The following DKK3 variants were observed in gnomAD, a reference collection of about 807,000 sequenced individuals.
The protein encoded by DKK3 is dickkopf Wnt signaling pathway inhibitor 3, also known as dickkopf-related protein 3.
Under a neutral mutation model 33.2 loss-of-function variants are expected in DKK3, and 22 were observed. That is an observed-to-expected ratio of 0.66 (90% CI 0.47 to 0.95). DKK3 has a LOEUF of 0.95. DKK3 is among the 40% of genes least tolerant of loss of function. The pLI is 0.00. For synonymous variants in DKK3, 194 were observed against 188.8 expected, an observed-to-expected ratio of 1.03 and a Z score of -0.23; for missense variants, 398 against 458.4, an observed-to-expected ratio of 0.87 and a Z score of 1.20.
chr11:11,982,017 G>A (rs368852712), intron 3 of DKK3, among the ~76,000 whole-genome samples: 101 of 152,262 alleles, frequency 6.6e-4, no homozygotes, highest in Middle Eastern at 3.4e-3. Context: ...GTCCTGGTTG[G>A]TCTCTGAGGA....
chr11:12,006,957 T>C (rs1167379023), intron 1 of DKK3, among the ~76,000 whole-genome samples: 5 of 152,154 alleles, frequency 3.3e-5, no homozygotes, highest in Non-Finnish European at 5.9e-5. Flanking sequence ...GCTTCAGAGT[T>C]AAGAGACATT....
At chr11:11,984,578 G>C (rs939461089) in intron 3 of DKK3, among the ~76,000 whole-genome samples, 1 of 149,654 alleles carries the variant, frequency 6.7e-6, no homozygotes, top group Non-Finnish European at 1.5e-5. Flanking sequence ...TGCCCAAGCT[G>C]AACAACCACT....
At chr11:11,995,763 G>C (rs1848279919) in intron 3 of DKK3, among the ~76,000 whole-genome samples, 1 of 152,222 alleles carries the variant, frequency 6.6e-6, no homozygotes, top group African/African-American at 2.4e-5. Flanking sequence ...GACCTGTGAA[G>C]TGGGGCAGGC....
chr11:11,992,884 T>A (rs1848215303), intron 3 of DKK3, among the ~76,000 whole-genome samples: 1 of 152,356 alleles, frequency 6.6e-6, no homozygotes, highest in Non-Finnish European at 1.5e-5. Context: ...GATCTTTATA[T>A]TTCTTTGATC....
At position 11,966,199 on chromosome 11, in the gene DKK3, A is replaced by C. The variant is rs116250349; in HGVS notation, c.674-234T>G. On this transcript the variant is annotated intron_variant, in intron 5 of 6. Transcript: ENST00000683431. ...CCTGGAAGAGGTGGGCTTCTGCTGG[A>C]TTTTGAGGGCCAGAAAGTCTGGAGA... 5.8e-3 allele frequency among the ~76,000 whole-genome samples: 885 copies of C among 152,260 alleles called. 9 individuals carry two copies. Among genetic ancestry groups the C allele is most frequent in the African/African-American group, 0.02 (842 of 41,538 alleles).
At chr11:11,966,484 C>G (rs1367107307) in intron 5 of DKK3, among the ~76,000 whole-genome samples, 1 of 152,100 alleles carries the variant, frequency 6.6e-6, no homozygotes, top group African/African-American at 2.4e-5. Flanking sequence ...AGGAAGATCA[C>G]GGAGGCGGCA....
chr11:11,965,505 G>A, intron 6 of DKK3, among the ~76,000 whole-genome samples: 1 of 152,286 alleles, frequency 6.6e-6, no homozygotes, highest in Non-Finnish European at 1.5e-5. Flanking sequence ...CATTGTGACA[G>A]GTCTGGGGAG....
At chr11:11,971,984 G>A (rs1243743531) in intron 3 of DKK3, among the ~76,000 whole-genome samples, 1 of 151,872 alleles carries the variant, frequency 6.6e-6, no homozygotes, top group African/African-American at 2.4e-5. Context: ...TGTTATAATC[G>A]AGCCCACCAG....
At chr11:11,995,552 G>C (rs1417339150) in intron 3 of DKK3, among the ~76,000 whole-genome samples, 1 of 152,214 alleles carries the variant, frequency 6.6e-6, no homozygotes, top group African/African-American at 2.4e-5. Context: ...TTGTAGCTGC[G>C]AGTTGGATTT....
intron 3 of DKK3, among the ~76,000 whole-genome samples, chr11:11,989,486 C>G (rs989058396): frequency 2.0e-5 from 3 of 152,118 alleles, no homozygotes; most frequent in African/African-American, 7.2e-5. Context: ...ATTCACCAGT[C>G]ACAAAAATAC....
Position 11,998,768 on chromosome 11 carries a change from G to T in DKK3, c.363C>A (p.Asn121Lys). 6.2e-7 allele frequency: 1 copy of T among 1,614,040 alleles called. No homozygotes were observed. Among genetic ancestry groups the T allele is most frequent in the South Asian group, 1.1e-5 (1 of 91,074 alleles). Residue 121 changes from asparagine (N) to lysine (K), a missense_variant, in exon 3 of 7, where the codon AAC (asparagine) becomes AAA (lysine). Asn to Lys is a moderately conservative substitution (Grantham distance 94). Transcript: ENST00000683431. Reference sequence around the variant, plus strand: ...CTGAAAAGACCATTTGTCCAGTCTGGTTGTTGGTTATCTACAGTAAAACAG... The same window carrying T: ...CTGAAAAGACCATTTGTCCAGTCTGTTTGTTGGTTATCTACAGTAAAACAG... ...VHREIHKITN[N>K]QTGQMVFSET...
upstream of DKK3, chr11:12,008,654 C>A (rs1848595107): frequency 2.5e-5 from 32 of 1,267,238 alleles, no homozygotes; most frequent in Non-Finnish European, 3.2e-5. This position sits in a 1 kb window ranked among gnomAD's most constrained non-coding sequence, Gnocchi z 4.6. Flanking sequence ...CCACCCCCCT[C>A]GCTGGGCCCG....
intron 3 of DKK3, among the ~76,000 whole-genome samples, chr11:11,979,499 G>A (rs1401136660): frequency 6.6e-6 from 1 of 152,216 alleles, no homozygotes; most frequent in Non-Finnish European, 1.5e-5. Context: ...GAGTGCCAGA[G>A]AGAAAGGAAG....
chr11:12,000,332 G>A (rs1183195184), intron 2 of DKK3, among the ~76,000 whole-genome samples: 1 of 151,886 alleles, frequency 6.6e-6, no homozygotes, highest in African/African-American at 2.4e-5. Flanking sequence ...CAGCCTCCCT[G>A]AGTAGCTGGG....
Position 12,008,267 on chromosome 11 carries a change from G to A in DKK3, c.213+103C>T, listed in dbSNP as rs1848579261. ...GCTGTCGGCCCTTCCCAGGCCCTGC[G>A]CGGGACCCGAGGTCCCTGGCCAGCG... On this transcript the variant is annotated intron_variant, in intron 1 of 6. Transcript: ENST00000683431. The surrounding 1 kb of genome is among the most constrained non-coding windows in gnomAD (Gnocchi z 4.6). 1 of 1,411,178 alleles carries A rather than the reference G, an allele frequency of 7.1e-7. No individual in the cohort carries two copies. Among genetic ancestry groups the A allele is most frequent in the African/African-American group, 1.4e-5 (1 of 69,732 alleles). The allele number at this position is 1,411,178 out of a possible 1,614,324, so 87.4% of individuals were successfully genotyped here.
chr11:11,974,341 A>T (rs1847788215), intron 3 of DKK3, among the ~76,000 whole-genome samples: 1 of 152,230 alleles, frequency 6.6e-6, no homozygotes. Context: ...TCACCATCTT[A>T]GTCCATTTTT....
intron 6 of DKK3, 83 bp from the exon 7 acceptor site, chr11:11,964,769 C>T (rs933759425): frequency 1.3e-6 from 2 of 1,539,644 alleles, no homozygotes; most frequent in African/African-American, 1.4e-5. Flanking sequence ...CTCTGTGGGG[C>T]TCCCAGCCTC....
At chr11:11,991,671 C>T (rs1481486090) in intron 3 of DKK3, among the ~76,000 whole-genome samples, 1 of 152,206 alleles carries the variant, frequency 6.6e-6, no homozygotes. Flanking sequence ...CATCTTCTGC[C>T]ATGAGTGAGG....
intron 3 of DKK3, among the ~76,000 whole-genome samples, chr11:11,970,336 T>G (rs898617102): frequency 6.6e-6 from 1 of 152,122 alleles, no homozygotes; most frequent in Admixed American, 6.5e-5. Context: ...AACGGACAAC[T>G]TAGAATAACA....
Sources: gnomAD v4.1 joint callset for allele counts (sites outside exome capture counted in the v4.1 genomes callset) on GRCh38, gnomAD v4.1.1 for gene constraint, Gnocchi (gnomAD v3.1) non-coding constraint, MANE v1.5 for transcripts, NCBI Gene and HGNC (gene_info 2026-07-23, HGNC 2026-07-21) for gene names.